Variants in CALN1 observed in about 807,000 individuals in gnomAD.
CALN1 encodes the protein calcium-binding protein 8.
Under a neutral mutation model 30.6 loss-of-function variants are expected in CALN1, and 17 were observed. The ratio of observed to expected loss-of-function variants is 0.56; its 90% CI spans 0.38 to 0.83. The LOEUF (loss-of-function observed/expected upper bound fraction) is 0.83, where lower values mean the gene tolerates loss of function less well. CALN1 is among the 40% of genes least tolerant of loss of function. CALN1 has a pLI of 0.00. For synonymous variants in CALN1, 156 were observed against 131.4 expected (o/e 1.19, Z -1.28); for missense variants, 291 against 354.9 (o/e 0.82, Z 1.45).
chr7:71,955,718 C>T (rs1453134307), intron 5 of CALN1, among the ~76,000 whole-genome samples: 1 of 152,020 alleles, frequency 6.6e-6, no homozygotes, highest in Non-Finnish European at 1.5e-5. Context: ...TCAATAAGCC[C>T]CTGATGTTCT....
chr7:71,826,420 T>C (rs892949186), intron 5 of CALN1, among the ~76,000 whole-genome samples: 10 of 152,196 alleles, frequency 6.6e-5, no homozygotes, highest in Non-Finnish European at 1.3e-4. Flanking sequence ...GTGGTTGACT[T>C]TGAAAAGCTT....
chr7:72,197,178 C>CCTT (rs1367251850), intron 3 of CALN1, among the ~76,000 whole-genome samples: 1 of 64,210 alleles, frequency 1.6e-5, no homozygotes, highest in African/African-American at 6.2e-5. Flanking sequence ...GGAAGGTTTG[C>CCTT]TTTTTTTTTT....
At chr7:71,856,193 GTAAATATACATATATATTTA>G (rs746558686) in intron 5 of CALN1, among the ~76,000 whole-genome samples, 10 of 151,398 alleles carry the variant, frequency 6.6e-5, no homozygotes, top group East Asian at 1.9e-4. Context: ...TGATACATAT[GTAAATATACATATATATTTA>G]TAAATATACA....
chr7:71,907,441 A>G (rs1318101844), intron 5 of CALN1, among the ~76,000 whole-genome samples: 2 of 152,172 alleles, frequency 1.3e-5, no homozygotes, highest in Non-Finnish European at 2.9e-5. Flanking sequence ...TTCTCCATGC[A>G]TCAACTATGA....
At chr7:71,983,331 T>C (rs1414102983) in intron 5 of CALN1, among the ~76,000 whole-genome samples, 2 of 152,180 alleles carry the variant, frequency 1.3e-5, no homozygotes, top group Non-Finnish European at 2.9e-5. Flanking sequence ...GGAAACAAAA[T>C]GAGAAGAGGG....
intron 5 of CALN1, among the ~76,000 whole-genome samples, chr7:71,921,249 T>C (rs1794930522): frequency 6.6e-6 from 1 of 152,114 alleles, no homozygotes; most frequent in African/African-American, 2.4e-5. Flanking sequence ...TTAGGAGAAA[T>C]ACCTAATGTA....
chr7:72,156,866 G>A (rs1052683272), intron 3 of CALN1, among the ~76,000 whole-genome samples: 1 of 152,142 alleles, frequency 6.6e-6, no homozygotes, highest in African/African-American at 2.4e-5. Flanking sequence ...AACCTCAGAG[G>A]CAGAGACTTC....
intron 5 of CALN1, among the ~76,000 whole-genome samples, chr7:71,969,073 T>C (rs1797667729): frequency 6.6e-6 from 1 of 151,630 alleles, no homozygotes; most frequent in South Asian, 2.1e-4. Flanking sequence ...ATCATAGAAC[T>C]GCACACCTAA....
chr7:72,364,975 G>A (rs1803794700), intron 2 of CALN1, among the ~76,000 whole-genome samples: 1 of 151,644 alleles, frequency 6.6e-6, no homozygotes. Flanking sequence ...TTTGGGATCA[G>A]CTTGGCCAAC....
chr7:72,310,903 G>A (rs1265517182), intron 2 of CALN1, among the ~76,000 whole-genome samples: 12 of 54,186 alleles, frequency 2.2e-4, no homozygotes, highest in Admixed American at 1.4e-3. Context: ...GCAAGACTCC[G>A]TCTTAAAAAA....
chr7:72,306,975 C>A (rs1799700144), intron 2 of CALN1, among the ~76,000 whole-genome samples: 2 of 152,178 alleles, frequency 1.3e-5, no homozygotes, highest in South Asian at 4.1e-4. Flanking sequence ...AGAGGAAGAG[C>A]CTCAACATGT....
chr7:71,815,223 C>T (rs535938784), intron 5 of CALN1, among the ~76,000 whole-genome samples: 2 of 152,080 alleles, frequency 1.3e-5, no homozygotes, highest in Non-Finnish European at 2.9e-5. Context: ...AAAAATTATA[C>T]TTGGATTTTT....
chr7:72,048,671 C>T (rs1584825064), intron 4 of CALN1, among the ~76,000 whole-genome samples: 1 of 151,136 alleles, frequency 6.6e-6, no homozygotes, highest in Non-Finnish European at 1.5e-5. Context: ...CCTCCCTTCC[C>T]TCCTTCCTTG....
At chr7:72,364,077 T>C (rs1041861185) in intron 2 of CALN1, among the ~76,000 whole-genome samples, 1 of 142,036 alleles carries the variant, frequency 7.0e-6, no homozygotes, top group Admixed American at 7.0e-5. Flanking sequence ...AAAAAAAAAA[T>C]ACTTTACTAT....
At chr7:72,290,950 A>C (rs1405639329) in intron 2 of CALN1, among the ~76,000 whole-genome samples, 2 of 144,776 alleles carry the variant, frequency 1.4e-5, no homozygotes, top group Non-Finnish European at 3.0e-5. Flanking sequence ...TGAGACAGAG[A>C]TCTCACTCTG....
At position 72,359,810 on chromosome 7, in the gene CALN1, C is replaced by A. The variant is rs202003708; in HGVS notation, c.119+43441G>T. Among the ~76,000 whole-genome samples, 26 of 151,710 alleles carry A rather than the reference C, an allele frequency of 1.7e-4. No homozygotes were observed. In the East Asian group the frequency reaches 4.9e-3, roughly 28 times the overall value. On this transcript the variant is annotated intron_variant, in intron 2 of 6. Coordinates refer to ENST00000395275, the MANE Select transcript of CALN1 (RefSeq NM_031468.4). ...TGAACACGGTGAATCCCCGTCTCTACTAAAAATACAAAAAAAATTAGCCGG... is the reference window on the plus strand; with the variant it reads ...TGAACACGGTGAATCCCCGTCTCTAATAAAAATACAAAAAAAATTAGCCGG...
intron 2 of CALN1, among the ~76,000 whole-genome samples, chr7:72,338,521 G>GTGTGTGTGTC (rs1562903936): frequency 1.6e-5 from 1 of 64,154 alleles, no homozygotes; most frequent in Non-Finnish European, 4.0e-5. Context: ...GTGTGTGTGT[G>GTGTGTGTGTC]TGTGTGTCTC....
At chr7:72,445,109 A>G (rs1324419091) in intron 1 of CALN1, among the ~76,000 whole-genome samples, 1 of 147,568 alleles carries the variant, frequency 6.8e-6, no homozygotes, top group Non-Finnish European at 1.5e-5. Flanking sequence ...CACACACAAC[A>G]TTAAGTTGAA....
In CALN1 at chr7:71,913,136, G is replaced by A. The variant is rs571054616; in HGVS notation, c.502-102644C>T. On this transcript the variant is annotated intron_variant, in intron 5 of 6. Transcript: ENST00000395275. Reference sequence around the variant, plus strand: ...TGCATGATCCACTCAGGGTTACCTCGTCCCATCTGGTTGCAGCTGATGACT... The same window carrying A: ...TGCATGATCCACTCAGGGTTACCTCATCCCATCTGGTTGCAGCTGATGACT... Among the ~76,000 whole-genome samples, 113 of 152,270 alleles carry A rather than the reference G, an allele frequency of 7.4e-4. 1 individual carries two copies. In the Middle Eastern group the frequency reaches 0.017, roughly 23 times the overall value.
Sources: gnomAD v4.1 joint callset for allele counts (sites outside exome capture counted in the v4.1 genomes callset) on GRCh38, gnomAD v4.1.1 for gene constraint, MANE v1.5 for transcripts, NCBI Gene and HGNC (gene_info 2026-07-23, HGNC 2026-07-21) for gene names.